The following CCDC167 variants were observed in gnomAD, a reference collection of about 807,000 sequenced individuals.
The protein encoded by CCDC167 is coiled-coil domain containing 167, also known as coiled-coil domain-containing protein 167.
CCDC167 carries 15 observed loss-of-function variants against 12.7 expected under a neutral mutation model. The ratio of observed to expected loss-of-function variants is 1.18; its 90% CI spans 0.79 to 1.81. CCDC167 has a LOEUF of 1.81. Ranked by LOEUF, CCDC167 falls within the 40% of genes most tolerant of loss-of-function variation. The pLI, the probability that CCDC167 is intolerant of heterozygous loss-of-function variation, is 0.00. For synonymous variants in CCDC167, 52 were observed against 49.0 expected, an observed-to-expected ratio of 1.06 and a Z score of -0.26; for missense variants, 121 against 120.1, an observed-to-expected ratio of 1.01 and a Z score of -0.03.
In CCDC167 at chr6:37,483,253, T is replaced by A; in HGVS notation, c.227A>T (p.Lys76Met). 1 of 1,614,152 alleles carries A rather than the reference T, an allele frequency of 6.2e-7. No homozygotes were observed. Among genetic ancestry groups the A allele is most frequent in the Non-Finnish European group, 8.5e-7 (1 of 1,180,002 alleles). The change falls in exon 4 of 4, where the codon AAG becomes ATG. Residue 76 changes from lysine (K) to methionine (M), a missense_variant. Lys to Met is a moderately conservative substitution (Grantham distance 95). Transcript: ENST00000373408. The stretch of plus-strand genomic sequence containing the variant: ...GATGGCCACAGAGAGCAGCATGTTC[T>A]TCCGGTTCTCTTGCCGAAGAAACTT... ...ELKFLRQENR[K>M]NMLLSVAIFI...
chr6:37,494,805 A>AT lies in CCDC167; in HGVS notation c.42+5016dup, dbSNP rs201478338. ...AATGCCAGTAGCCACCTACCTACAA[A>AT]TTTTTTTTTTTTTTTTGAGACGGGG... On this transcript the variant is annotated intron_variant, in intron 1 of 3. Transcript: ENST00000373408. 3.0e-3 allele frequency among the ~76,000 whole-genome samples: 348 copies of AT among 115,212 alleles called. 9 individuals are homozygous for AT. The highest frequency in any genetic ancestry group is 9.0e-3 in the East Asian group (42 of 4,674). 75.6% of individuals were successfully genotyped at this position (115,212 alleles called of 152,430 possible).
At chr6:37,492,058 G>A (rs905566119) in intron 1 of CCDC167, among the ~76,000 whole-genome samples, 1 of 152,148 alleles carries the variant, frequency 6.6e-6, no homozygotes, top group Non-Finnish European at 1.5e-5. Flanking sequence ...GTCTGCAACC[G>A]CCCTGCAAGG....
At chr6:37,489,727 A>G (rs1761991530) in intron 1 of CCDC167, among the ~76,000 whole-genome samples, 1 of 152,218 alleles carries the variant, frequency 6.6e-6, no homozygotes, top group Middle Eastern at 3.2e-3. Context: ...CAAGCCCAGT[A>G]GGAAGGGAAA....
rs1053142683 is a variant in CCDC167, at chr6:37,484,936, T to G, written c.138-74A>C. On this transcript the variant is annotated intron_variant, in intron 2 of 3. Coordinates refer to ENST00000373408, the MANE Select transcript of CCDC167 (RefSeq NM_138493.3). ...ACCCGAGGGGCAGCTGGCATGCCAGTTGGCAGGGCTTGGGTCTTGTTCGGC... is the reference window on the plus strand; with the variant it reads ...ACCCGAGGGGCAGCTGGCATGCCAGGTGGCAGGGCTTGGGTCTTGTTCGGC... The G allele has an allele frequency of 2.5e-6, 4 of 1,581,524 alleles. No individual in the cohort carries two copies. In the East Asian group the frequency reaches 6.7e-5, roughly 27 times the overall value.
chr6:37,499,893 T>A lies in CCDC167; in HGVS notation c.-30A>T. On this transcript the variant is annotated 5_prime_UTR_variant, in exon 1 of 4. Transcript: ENST00000373408. ...CTTGCCGGGATCCCCCAGTCATCACTGGACGCGCCCACCAAGTCGCTATGT... is the reference window on the plus strand; with the variant it reads ...CTTGCCGGGATCCCCCAGTCATCACAGGACGCGCCCACCAAGTCGCTATGT... 2 of 1,613,842 alleles carry A rather than the reference T, an allele frequency of 1.2e-6. No homozygotes were observed. Among genetic ancestry groups the A allele is most frequent in the South Asian group, 1.1e-5 (1 of 91,056 alleles).
intron 1 of CCDC167, among the ~76,000 whole-genome samples, chr6:37,489,454 G>A (rs1216572340): frequency 1.3e-5 from 2 of 152,202 alleles, no homozygotes; most frequent in African/African-American, 4.8e-5. Context: ...ACATGGCATG[G>A]TGGGAACCTT....
At chr6:37,490,270 G>A (rs1016614648) in intron 1 of CCDC167, among the ~76,000 whole-genome samples, 2 of 152,228 alleles carry the variant, frequency 1.3e-5, no homozygotes, top group Admixed American at 1.3e-4. Flanking sequence ...GTGTCCTGGG[G>A]AAAGTCTGTT....
In CCDC167 at chr6:37,484,768, G is replaced by A. The variant is rs546189526; in HGVS notation, c.190+42C>T. The A allele has an allele frequency of 1.9e-5, 30 of 1,611,710 alleles. 1 individual carries two copies. In the South Asian group the frequency reaches 3.1e-4, roughly 17 times the overall value. ...GGCTTCTGACCCTTCCTGGTTCTGG[G>A]GACTGGAGGCTGGGGCTGGTAACTG... On this transcript the variant is annotated intron_variant, in intron 3 of 3. Coordinates refer to ENST00000373408, the MANE Select transcript of CCDC167 (RefSeq NM_138493.3).
chr6:37,490,516 T>C (rs1410299521), intron 1 of CCDC167, among the ~76,000 whole-genome samples: 2 of 152,148 alleles, frequency 1.3e-5, no homozygotes, highest in Non-Finnish European at 1.5e-5. Context: ...AGCCCCGTAG[T>C]GATGCTGCCT....
At chr6:37,494,840 C>T (rs1344840416) in intron 1 of CCDC167, among the ~76,000 whole-genome samples, 1 of 109,840 alleles carries the variant, frequency 9.1e-6, no homozygotes, top group Non-Finnish European at 1.7e-5. Context: ...GTCTCTGTTG[C>T]CCAGACTGGA....
intron 1 of CCDC167, among the ~76,000 whole-genome samples, chr6:37,488,800 G>A (rs1290769626): frequency 6.6e-6 from 1 of 152,222 alleles, no homozygotes; most frequent in African/African-American, 2.4e-5. Context: ...GGAGCCAACA[G>A]GTAAGATGCC....
intron 1 of CCDC167, among the ~76,000 whole-genome samples, chr6:37,492,636 C>T (rs1432822311): frequency 1.3e-5 from 2 of 152,254 alleles, no homozygotes; most frequent in Non-Finnish European, 2.9e-5. Context: ...CCGAAGCCTT[C>T]CCTTTCACTT....
At chr6:37,485,455 A>G (rs889787340) in intron 1 of CCDC167, among the ~76,000 whole-genome samples, 6 of 152,260 alleles carry the variant, frequency 3.9e-5, no homozygotes, top group Non-Finnish European at 7.3e-5. Context: ...AGGGTCTCAC[A>G]GCTGTCCCAG....
intron 1 of CCDC167, among the ~76,000 whole-genome samples, chr6:37,495,922 G>A (rs1206832310): frequency 6.6e-6 from 1 of 152,212 alleles, no homozygotes; most frequent in African/African-American, 2.4e-5. Flanking sequence ...CCCGCTGGGG[G>A]CAACTGAGAA....
intron 1 of CCDC167, among the ~76,000 whole-genome samples, chr6:37,492,644 C>T (rs1214310061): frequency 6.6e-6 from 1 of 152,238 alleles, no homozygotes; most frequent in South Asian, 2.1e-4. Flanking sequence ...TTCCCTTTCA[C>T]TTGCTAATTC....
At chr6:37,488,711 A>G (rs1417759205) in intron 1 of CCDC167, among the ~76,000 whole-genome samples, 1 of 152,200 alleles carries the variant, frequency 6.6e-6, no homozygotes, top group Non-Finnish European at 1.5e-5. Context: ...CAACTCCCTT[A>G]GTTCTGTGCT....
intron 1 of CCDC167, among the ~76,000 whole-genome samples, chr6:37,498,070 G>A (rs1196960622): frequency 6.6e-6 from 1 of 152,138 alleles, no homozygotes; most frequent in Non-Finnish European, 1.5e-5. Context: ...TGCCACAAAA[G>A]CACTGTGAGT....
intron 1 of CCDC167, among the ~76,000 whole-genome samples, chr6:37,494,853 G>A (rs922005940): frequency 2.1e-4 from 27 of 128,926 alleles, no homozygotes; most frequent in African/African-American, 7.0e-4. Flanking sequence ...AGACTGGAGT[G>A]CAGTGGCACG....
intron 2 of CCDC167, 53 bp from the exon 3 acceptor site, chr6:37,484,915 G>A (rs560533292): frequency 4.8e-5 from 78 of 1,608,248 alleles, no homozygotes; most frequent in South Asian, 3.2e-4. Flanking sequence ...TTCCCCACCC[G>A]AGGGGCAGCT....
Sources: allele counts gnomAD v4.1 joint callset (sites outside exome capture counted in the v4.1 genomes callset), GRCh38; gene constraint gnomAD v4.1.1; transcripts MANE v1.5; gene names NCBI Gene and HGNC (gene_info 2026-07-23, HGNC 2026-07-21).